ACAP2: variants seen among roughly 807,000 people sequenced by gnomAD.
ACAP2 encodes arf-GAP with coiled-coil, ANK repeat and PH domain-containing protein 2.
A neutral mutation model predicts 115.8 loss-of-function variants in ACAP2; 39 were observed. That is an observed-to-expected ratio of 0.34 (90% CI 0.26 to 0.44). The LOEUF (loss-of-function observed/expected upper bound fraction) is 0.44. ACAP2 is among the 20% of genes least tolerant of loss of function. The pLI is 1.00. For missense variants in ACAP2, 662 were observed against 927.6 expected, an observed-to-expected ratio of 0.71 and a Z score of 3.72; for synonymous variants, 289 against 315.8, an observed-to-expected ratio of 0.92 and a Z score of 0.90.
intron 1 of ACAP2, among the ~76,000 whole-genome samples, chr3:195,435,568 A>G (rs2108868944): frequency 6.6e-6 from 1 of 151,996 alleles, no homozygotes; most frequent in East Asian, 1.9e-4. Context: ...GTTTTCATTC[A>G]TCTGAAAATA....
chr3:195,386,788 TTAAAG>T (rs891053982), intron 2 of ACAP2, among the ~76,000 whole-genome samples: 54 of 151,090 alleles, frequency 3.6e-4, no homozygotes, highest in African/African-American at 1.3e-3. Context: ...ATCCCAGAAC[TTAAAG>T]TAAAATTTAA....
chr3:195,355,906 A>G (rs745823579), intron 4 of ACAP2, among the ~76,000 whole-genome samples: 29 of 152,256 alleles, frequency 1.9e-4, no homozygotes, highest in Non-Finnish European at 4.3e-4. Flanking sequence ...CTCCATTGCA[A>G]CAAAAATTAA....
chr3:195,424,240 GTGTGGTGTGTGTGTGTGTGTGTATA>G (rs1330287572), intron 1 of ACAP2, among the ~76,000 whole-genome samples: 3 of 98,014 alleles, frequency 3.1e-5, no homozygotes, highest in Admixed American at 1.1e-4. Flanking sequence ...GTGTGTGTGT[GTGTGGTGTGTGTGTGTGTGTGTATA>G]TATATATATA....
intron 2 of ACAP2, among the ~76,000 whole-genome samples, chr3:195,390,282 T>C (rs887526684): frequency 6.6e-6 from 1 of 152,162 alleles, no homozygotes; most frequent in African/African-American, 2.4e-5. Context: ...TCCTTGGGCT[T>C]TGGTATCCTC....
intron 10 of ACAP2, 124 bp downstream of exon 10, chr3:195,320,577 C>T (rs1198249538): frequency 3.1e-5 from 18 of 582,972 alleles, no homozygotes; most frequent in Admixed American, 1.8e-4. Flanking sequence ...AGACTGGGTT[C>T]AGGAAAGTTT....
At chr3:195,371,653 C>T (rs953377899) in intron 4 of ACAP2, among the ~76,000 whole-genome samples, 91 of 152,090 alleles carry the variant, frequency 6.0e-4, no homozygotes, top group African/African-American at 2.1e-3. Flanking sequence ...GGGAATGCTC[C>T]CAAAATTCTT....
chr3:195,410,235 AC>A (rs1713147887), intron 1 of ACAP2, among the ~76,000 whole-genome samples: 1 of 152,188 alleles, frequency 6.6e-6, no homozygotes. Flanking sequence ...AAGAATGAAG[AC>A]CCTTACCTAA....
chr3:195,290,849 T>TAAAA (rs1553843260), intron 20 of ACAP2, among the ~76,000 whole-genome samples: 7 of 134,192 alleles, frequency 5.2e-5, no homozygotes, highest in East Asian at 4.6e-4. Context: ...AATAAATAAA[T>TAAAA]AATAAATAAA....
intron 4 of ACAP2, among the ~76,000 whole-genome samples, chr3:195,360,254 GA>G (rs79322943): frequency 7.3e-5 from 11 of 151,362 alleles, no homozygotes; most frequent in Non-Finnish European, 1.3e-4. Context: ...CAGACTTCAA[GA>G]AAAAAAAATT....
intron 15 of ACAP2, 88 bp from the exon 16 acceptor site, chr3:195,297,369 G>T: frequency 9.3e-7 from 1 of 1,081,078 alleles, no homozygotes; most frequent in Non-Finnish European, 1.3e-6. Context: ...AGCAAGTACA[G>T]TTAACTAATC....
At chr3:195,280,528 G>C (rs556795587) in intron 22 of ACAP2, among the ~76,000 whole-genome samples, 15 of 151,928 alleles carry the variant, frequency 9.9e-5, no homozygotes, top group African/African-American at 3.4e-4. Context: ...TTAAAAGTTG[G>C]GTTTGTTTTT....
rs1553872445 is a variant in ACAP2, at chr3:195,424,244, G to GTATGT, written c.53+18550_53+18551insACATA. Among the ~76,000 whole-genome samples the GTATGT allele has an allele frequency of 4.3e-5, 3 of 69,610 alleles. 1 individual carries two copies. The highest frequency in any genetic ancestry group is 3.8e-4 in the Admixed American group (2 of 5,304). 45.7% of individuals were successfully genotyped at this position (69,610 alleles called of 152,430 possible). Reference sequence around the variant, plus strand: ...GTCATATGTGTGTGTGTGTGTGTGTGGTGTGTGTGTGTGTGTGTATATATA... The same window carrying GTATGT: ...GTCATATGTGTGTGTGTGTGTGTGTGTATGTGTGTGTGTGTGTGTGTGTATATATA... On this transcript the variant is annotated intron_variant, in intron 1 of 22. Coordinates refer to ENST00000326793, the MANE Select transcript of ACAP2 (RefSeq NM_012287.6).
chr3:195,301,074 C>CT (rs201654778), intron 15 of ACAP2, among the ~76,000 whole-genome samples: 3,266 of 148,470 alleles, frequency 0.022, 119 homozygotes, highest in East Asian at 0.1. Context: ...TAAATATAGC[C>CT]TTTTTTTTTT....
chr3:195,307,449 A>T (rs1447651360), intron 11 of ACAP2, 126 bp from the exon 12 acceptor site: 15 of 614,826 alleles, frequency 2.4e-5, no homozygotes, highest in Non-Finnish European at 3.4e-5. Context: ...TTATTTTAGA[A>T]ACAGGGGTTA....
rs140610018 is a variant in ACAP2, at chr3:195,295,848, T to C, written c.1532A>G (p.Lys511Arg). The change falls in exon 17 of 23, where the codon AAA (lysine) becomes AGA (arginine). Residue 511 changes from lysine to arginine, a missense_variant. Transcript: ENST00000326793. ...AYIRAKYVER[K>R]FVDKYSISLS... ...TGATATAGAATATTTATCCACAAAT[T>C]TCCTCTCCACATATTTTGCTCTGAT... The C allele has an allele frequency of 6.2e-7, 1 of 1,613,794 alleles. No homozygotes were observed. The highest frequency in any genetic ancestry group is 8.5e-7 in the Non-Finnish European group (1 of 1,179,930).
At chr3:195,309,030 C>A (rs1728591289) in intron 10 of ACAP2, among the ~76,000 whole-genome samples, 193 bp from the exon 11 acceptor site, 1 of 151,934 alleles carries the variant, frequency 6.6e-6, no homozygotes, top group Non-Finnish European at 1.5e-5. Flanking sequence ...CATTTTAAAA[C>A]CACAGGTTAG....
intron 18 of ACAP2, among the ~76,000 whole-genome samples, chr3:195,294,216 C>T (rs948259814): frequency 7.2e-5 from 11 of 151,800 alleles, no homozygotes; most frequent in East Asian, 1.9e-4. Flanking sequence ...ATGAAGAAAT[C>T]GCTGCTTTCT....
intron 10 of ACAP2, among the ~76,000 whole-genome samples, chr3:195,312,279 T>C (rs1728821065): frequency 6.6e-6 from 1 of 152,132 alleles, no homozygotes; most frequent in African/African-American, 2.4e-5. Flanking sequence ...ACATGAATGC[T>C]CCTTTACTTC....
chr3:195,413,592 T>C (rs189340402), intron 1 of ACAP2, among the ~76,000 whole-genome samples: 2 of 151,238 alleles, frequency 1.3e-5, no homozygotes, highest in East Asian at 1.9e-4. Flanking sequence ...CTACGAAAAA[T>C]ACAAAAAATT....
Sources: gnomAD v4.1 joint callset for allele counts (sites outside exome capture counted in the v4.1 genomes callset) on GRCh38, gnomAD v4.1.1 for gene constraint, MANE v1.5 for transcripts, NCBI Gene and HGNC (gene_info 2026-07-23, HGNC 2026-07-21) for gene names.